LRP1B: variants seen among roughly 807,000 people sequenced by gnomAD.
The protein encoded by LRP1B is low-density lipoprotein receptor-related protein 1B.
A neutral mutation model predicts 556.6 loss-of-function variants in LRP1B; 217 were observed. The ratio of observed to expected loss-of-function variants is 0.39; its 90% CI spans 0.35 to 0.44. The LOEUF is 0.44. LRP1B is among the 20% of genes least tolerant of loss of function. The pLI is 1.00. For missense variants in LRP1B, 5,053 were observed against 5,620.8 expected (o/e 0.90, Z 3.23); for synonymous variants, 2,047 against 1,865.8 (o/e 1.10, Z -2.50).
chr2:141,041,867 T>C (rs149304934), intron 11 of LRP1B, among the ~76,000 whole-genome samples: 1 of 152,094 alleles, frequency 6.6e-6, no homozygotes, highest in Non-Finnish European at 1.5e-5. Flanking sequence ...TATGTACAAT[T>C]ATTATGTGTC....
intron 5 of LRP1B, among the ~76,000 whole-genome samples, chr2:141,230,233 AGAAATAG>A (rs1683408629): frequency 6.6e-6 from 1 of 150,794 alleles, no homozygotes; most frequent in African/African-American, 2.5e-5. Context: ...CTGCTAATTA[AGAAATAG>A]GAAATATGTG....
chr2:141,470,736 A>C (rs1009547370), intron 3 of LRP1B, among the ~76,000 whole-genome samples: 3 of 152,172 alleles, frequency 2.0e-5, no homozygotes, highest in African/African-American at 7.2e-5. Flanking sequence ...ATAATGAATC[A>C]TACGGGATTT....
chr2:140,910,967 T>C (rs1026046586), intron 21 of LRP1B, among the ~76,000 whole-genome samples: 1 of 151,844 alleles, frequency 6.6e-6, no homozygotes, highest in Non-Finnish European at 1.5e-5. Flanking sequence ...ACAAAGATAC[T>C]AGGATATCTA....
At chr2:141,541,730 T>C (rs1685268152) in intron 2 of LRP1B, among the ~76,000 whole-genome samples, 1 of 152,084 alleles carries the variant, frequency 6.6e-6, no homozygotes, top group South Asian at 2.1e-4. Flanking sequence ...AATAAATAAA[T>C]GTAAACAATA....
chr2:142,092,050 G>A (rs934114159), intron 1 of LRP1B, among the ~76,000 whole-genome samples: 4 of 152,202 alleles, frequency 2.6e-5, no homozygotes, highest in African/African-American at 9.6e-5. Context: ...GACAATGGCA[G>A]AGCAAGCAAA....
intron 66 of LRP1B, among the ~76,000 whole-genome samples, chr2:140,418,680 T>C (rs1171047408): frequency 1.3e-5 from 2 of 151,884 alleles, no homozygotes; most frequent in Non-Finnish European, 2.9e-5. Flanking sequence ...CACCCCCAGA[T>C]GAGATTATCT....
In LRP1B at chr2:141,111,281, T is replaced by C. The variant is rs550427340; in HGVS notation, c.1014-49008A>G. Among the ~76,000 whole-genome samples, 18 of 152,202 alleles carry C rather than the reference T, an allele frequency of 1.2e-4. No homozygotes were observed. In the South Asian group the frequency reaches 3.5e-3, roughly 30 times the overall value. ...TATACTGTGCCTGTACAAATAAAAA[T>C]TCTAAAATCCCAATAGAAAAACCAA... On this transcript the variant is annotated intron_variant, in intron 7 of 90. Coordinates refer to ENST00000389484, the MANE Select transcript of LRP1B (RefSeq NM_018557.3).
chr2:141,560,595 T>C (rs1686112038), intron 2 of LRP1B, among the ~76,000 whole-genome samples: 1 of 151,690 alleles, frequency 6.6e-6, no homozygotes, highest in African/African-American at 2.4e-5. Flanking sequence ...GTTTATGTTT[T>C]AGCACACTGA....
intron 1 of LRP1B, among the ~76,000 whole-genome samples, chr2:141,830,486 AT>A (rs1424916635): frequency 7.9e-5 from 12 of 151,876 alleles, no homozygotes; most frequent in Admixed American, 3.3e-4. Context: ...ACATTCCAAG[AT>A]TCCTTATAAA....
At chr2:141,794,377 TA>T (rs1695732188) in intron 2 of LRP1B, among the ~76,000 whole-genome samples, 1 of 151,910 alleles carries the variant, frequency 6.6e-6, no homozygotes. Context: ...ATCACCTTAT[TA>T]CAAATCTCAA....
At chr2:140,925,924 T>C (rs939383999) in intron 20 of LRP1B, among the ~76,000 whole-genome samples, 4 of 152,168 alleles carry the variant, frequency 2.6e-5, no homozygotes, top group East Asian at 1.9e-4. Flanking sequence ...CTAAGGTTTT[T>C]TCCATTTGCT....
chr2:141,016,059 G>A lies in LRP1B; in HGVS notation c.1971-144C>T, dbSNP rs3795900. ...ATCTAAGTGCTTATCTGTCAAAGAG[G>A]GGGGAGCTGTGAAGTTTTAAAGAAA... On this transcript the variant is annotated intron_variant, in intron 12 of 90. Coordinates refer to ENST00000389484, the MANE Select transcript of LRP1B (RefSeq NM_018557.3). The A allele has an allele frequency of 1.3e-3, 845 of 654,346 alleles. 11 individuals carry two copies. The East Asian group carries it at 0.022, about 17-fold the overall frequency. 40.5% of individuals were successfully genotyped at this position (654,346 alleles called of 1,614,324 possible).
rs148660529 is a variant in LRP1B, at chr2:141,532,743, T to C, written c.206-52210A>G. Among the ~76,000 whole-genome samples the C allele has an allele frequency of 6.6e-3, 1,000 of 152,254 alleles. 11 individuals are homozygous for C. The highest frequency in any genetic ancestry group is 0.023 in the African/African-American group (959 of 41,542). On this transcript the variant is annotated intron_variant, in intron 2 of 90. Coordinates refer to ENST00000389484, the MANE Select transcript of LRP1B (RefSeq NM_018557.3). ...GCTCACACCTGTAATCCCAGCACTT[T>C]GGGAGGTCAAGGCAGGCAGATCACC... is the stretch of plus-strand genomic sequence containing the variant.
At chr2:141,394,015 G>A (rs1048545331) in intron 3 of LRP1B, among the ~76,000 whole-genome samples, 8 of 151,990 alleles carry the variant, frequency 5.3e-5, no homozygotes, top group African/African-American at 1.9e-4. Context: ...TATTAGATTT[G>A]CAAAAAGTAA....
chr2:141,725,588 A>T (rs1395626521), intron 2 of LRP1B, among the ~76,000 whole-genome samples: 1 of 151,936 alleles, frequency 6.6e-6, no homozygotes. Context: ...AGGATTTTTT[A>T]AAAATCAGTC....
intron 1 of LRP1B, among the ~76,000 whole-genome samples, chr2:141,877,469 C>G (rs1031120973): frequency 6.6e-6 from 1 of 151,942 alleles, no homozygotes; most frequent in South Asian, 2.1e-4. Context: ...GCAAATATGT[C>G]TTCTATGTTG....
intron 1 of LRP1B, among the ~76,000 whole-genome samples, chr2:141,910,058 T>C (rs1699866657): frequency 6.8e-6 from 1 of 146,008 alleles, no homozygotes; most frequent in Admixed American, 7.2e-5. Flanking sequence ...TTGGTAAGAC[T>C]AAATATTTAA....
intron 2 of LRP1B, among the ~76,000 whole-genome samples, chr2:141,489,482 C>T (rs1022854173): frequency 6.6e-6 from 1 of 151,748 alleles, no homozygotes; most frequent in Non-Finnish European, 1.5e-5. Flanking sequence ...CAATCTAGAC[C>T]ACTTACAAGA....
intron 1 of LRP1B, among the ~76,000 whole-genome samples, chr2:141,912,817 T>C (rs1359506351): frequency 6.6e-6 from 1 of 152,200 alleles, no homozygotes; most frequent in Non-Finnish European, 1.5e-5. Context: ...AACCCTTATC[T>C]TTCTGGCCCC....
Sources: gnomAD v4.1 joint callset for allele counts (sites outside exome capture counted in the v4.1 genomes callset) on GRCh38, gnomAD v4.1.1 for gene constraint, MANE v1.5 for transcripts, NCBI Gene and HGNC (gene_info 2026-07-23, HGNC 2026-07-21) for gene names.